Variants in MCF2L observed in about 807,000 individuals in gnomAD.
The protein encoded by MCF2L is guanine nucleotide exchange factor DBS.
A neutral mutation model predicts 153.4 loss-of-function variants in MCF2L; 97 were observed. The observed-to-expected ratio is 0.63, with a 90% CI of 0.54 to 0.75. The LOEUF is 0.75. Ranked by LOEUF, MCF2L falls within the 30% of genes least tolerant of loss-of-function variation. MCF2L has a pLI of 0.00. For synonymous variants in MCF2L, 659 were observed against 632.2 expected (o/e 1.04, Z -0.64); for missense variants, 1,347 against 1,495.2 (o/e 0.90, Z 1.64).
At chr13:113,094,821 C>G in intron 27 of MCF2L, 186 bp downstream of exon 27, 1 of 1,050,290 alleles carries the variant, frequency 9.5e-7, no homozygotes, top group Non-Finnish European at 1.4e-6. Flanking sequence ...TCTGGAAGGT[C>G]CACCCAGACC....
At chr13:113,091,548 C>T (rs992397991) in intron 26 of MCF2L, among the ~76,000 whole-genome samples, 1 of 152,308 alleles carries the variant, frequency 6.6e-6, no homozygotes, top group African/African-American at 2.4e-5. Flanking sequence ...CACCCTGTTC[C>T]CTGCCCTTCC....
At chr13:112,922,762 G>A (rs2081365101) in intron 2 of MCF2L, among the ~76,000 whole-genome samples, 1 of 152,234 alleles carries the variant, frequency 6.6e-6, no homozygotes, top group Admixed American at 6.5e-5. Context: ...TTGAACCTGG[G>A]AGGCGGAGGT....
At chr13:112,994,097 A>T (rs1251060231) in intron 1 of MCF2L, among the ~76,000 whole-genome samples, 1 of 149,934 alleles carries the variant, frequency 6.7e-6, no homozygotes, top group East Asian at 2.0e-4. Flanking sequence ...GGCGCTTGGG[A>T]CCCCCCAAGC....
At chr13:113,065,163 C>T (rs747283319) in intron 7 of MCF2L, 78 bp downstream of exon 7, 2 of 1,553,578 alleles carry the variant, frequency 1.3e-6, no homozygotes, top group Admixed American at 1.7e-5. Flanking sequence ...CGGTCGGAAG[C>T]TGCGGGGGGT....
At chr13:112,995,553 G>A (rs1397595924) in intron 1 of MCF2L, among the ~76,000 whole-genome samples, 3 of 152,222 alleles carry the variant, frequency 2.0e-5, no homozygotes, top group African/African-American at 7.2e-5. Flanking sequence ...GGCCGAGGTG[G>A]GGTCGGTGGT....
chr13:112,919,937 A>T (rs892661204), intron 2 of MCF2L, among the ~76,000 whole-genome samples: 1 of 152,182 alleles, frequency 6.6e-6, no homozygotes, highest in African/African-American at 2.4e-5. Flanking sequence ...TGAATTATGG[A>T]TGTTTCAGAT....
chr13:113,081,700 C>T (rs2141994717), intron 16 of MCF2L, among the ~76,000 whole-genome samples: 1 of 152,374 alleles, frequency 6.6e-6, no homozygotes, highest in Non-Finnish European at 1.5e-5. Context: ...GAGTGGTGGT[C>T]ACCTGAGTAT....
At chr13:113,075,884 A>T in intron 11 of MCF2L, 82 bp from the exon 12 acceptor site, 2 of 1,144,262 alleles carry the variant, frequency 1.7e-6, no homozygotes, top group Non-Finnish European at 2.5e-6. Flanking sequence ...TCGGGAGGAC[A>T]CCCCGGCAGT....
chr13:112,972,377 GGATGGAT>G lies in MCF2L; in HGVS notation c.79+2921_79+2927del, dbSNP rs2082069818. Among the ~76,000 whole-genome samples, 3 of 150,116 alleles carry G rather than the reference GGATGGAT, an allele frequency of 2.0e-5. 1 individual carries two copies. The South Asian group carries it at 6.4e-4, about 32-fold the overall frequency. On this transcript the variant is annotated intron_variant, in intron 1 of 29. Transcript: ENST00000535094. ...TAAGTGGGTGGATGGATGGATGGAT[GGATGGAT>G]GGATGGATAAATGAGTTAGTAGATA...
At chr13:113,033,248 G>A (rs929420491) in intron 3 of MCF2L, among the ~76,000 whole-genome samples, 8 of 117,042 alleles carry the variant, frequency 6.8e-5, no homozygotes, top group Non-Finnish European at 7.2e-5. Flanking sequence ...AGTGGCCCCC[G>A]TGACATTAGT....
chr13:112,900,815 C>T (rs1327992606), intron 1 of MCF2L, among the ~76,000 whole-genome samples: 3 of 152,178 alleles, frequency 2.0e-5, no homozygotes, highest in South Asian at 2.1e-4. Context: ...GGCCTGCTCT[C>T]CAGGGCCGGG....
At chr13:112,937,982 G>T (rs1381961693) in intron 2 of MCF2L, among the ~76,000 whole-genome samples, 1 of 15,526 alleles carries the variant, frequency 6.4e-5, no homozygotes, top group Non-Finnish European at 1.5e-4. Context: ...GTTGGTTCAG[G>T]TGAGCGCTAA....
chr13:112,954,592 G>C (rs2081734788), intron 2 of MCF2L, among the ~76,000 whole-genome samples: 1 of 152,216 alleles, frequency 6.6e-6, no homozygotes, highest in South Asian at 2.1e-4. Flanking sequence ...CTGTGGCATG[G>C]CCCTCAGTGG....
chr13:113,051,153 G>A (rs571890201), intron 4 of MCF2L, among the ~76,000 whole-genome samples: 2 of 152,322 alleles, frequency 1.3e-5, no homozygotes, highest in South Asian at 2.1e-4. Flanking sequence ...GGATCTGCAG[G>A]CTGTCTCCTC....
intron 2 of MCF2L, among the ~76,000 whole-genome samples, chr13:112,934,537 T>C (rs970044145): frequency 1.3e-4 from 5 of 39,476 alleles, no homozygotes; most frequent in African/African-American, 4.8e-4. Flanking sequence ...GCTCCAAGAG[T>C]GTGCAGATTT....
intron 3 of MCF2L, among the ~76,000 whole-genome samples, chr13:113,032,478 A>G (rs1163045459): frequency 6.6e-6 from 1 of 152,222 alleles, no homozygotes; most frequent in African/African-American, 2.4e-5. Flanking sequence ...AGCACAGGAC[A>G]TGCCGCCTCG....
chr13:113,086,057 G>A lies in MCF2L; in HGVS notation c.2248-67G>A. The A allele has an allele frequency of 5.9e-6, 9 of 1,527,004 alleles. No individual in the cohort carries two copies. The South Asian group carries it at 1.1e-4, about 19-fold the overall frequency. 94.6% of individuals were successfully genotyped at this position (1,527,004 alleles called of 1,614,324 possible). On this transcript the variant is annotated intron_variant, in intron 20 of 29. Transcript: ENST00000535094. ...CCCTACCTCGTGCCAAGCTCCTGAG[G>A]GGTCTGTTCCAGGGGAGCCAGGGCT...
At chr13:112,895,804 A>G (rs2081061712) in intron 1 of MCF2L, among the ~76,000 whole-genome samples, 2 of 151,962 alleles carry the variant, frequency 1.3e-5, no homozygotes, top group African/African-American at 2.4e-5. Context: ...CCAGGTCCCA[A>G]CTTCACCGGG....
chr13:113,055,969 C>T (rs986261355), intron 4 of MCF2L, among the ~76,000 whole-genome samples: 3 of 152,200 alleles, frequency 2.0e-5, no homozygotes, highest in African/African-American at 7.2e-5. Flanking sequence ...ATCAGCCTCC[C>T]CTCCCTCATC....
Sources: gnomAD v4.1 joint callset for allele counts (sites outside exome capture counted in the v4.1 genomes callset) on GRCh38, gnomAD v4.1.1 for gene constraint, MANE v1.5 for transcripts, NCBI Gene and HGNC (gene_info 2026-07-23, HGNC 2026-07-21) for gene names.